Variants in ZNF282 observed in about 807,000 individuals in gnomAD.
ZNF282 encodes zinc finger protein 282.
Under a neutral mutation model 61.9 loss-of-function variants are expected in ZNF282, and 30 were observed. The ratio of observed to expected loss-of-function variants is 0.48; its 90% CI spans 0.36 to 0.66. ZNF282 has a LOEUF of 0.66. ZNF282 is among the 30% of genes least tolerant of loss of function. The pLI is 0.00. For synonymous variants in ZNF282, 396 were observed against 405.0 expected (o/e 0.98, Z 0.27); for missense variants, 788 against 941.4 (o/e 0.84, Z 2.13).
In ZNF282 at chr7:149,224,155, C is replaced by G. The variant is rs376301393; in HGVS notation, c.1524C>G (p.Leu508=). Residue 508 remains leucine (L), a synonymous_variant, in exon 8 of 8, where the codon CTC becomes CTG. Transcript: ENST00000610704. Reference sequence around the variant, plus strand: ...GCCCTGGCGGGCTGCGGCGGAGCCTCCTCCTGCACGGCGCCCGCAGCAAGC... The same window carrying G: ...GCCCTGGCGGGCTGCGGCGGAGCCTGCTCCTGCACGGCGCCCGCAGCAAGC... The part of the protein sequence containing the change: ...SCCPGGLRRS[L]LLHGARSKPY... 1.1e-5 allele frequency: 17 copies of G among 1,557,482 alleles called. No individual in the cohort carries two copies. The African/African-American group carries it at 2.3e-4, about 21-fold the overall frequency.
Position 149,212,363 on chromosome 7 carries a change from C to T in ZNF282, c.958C>T (p.Pro320Ser). The change falls in exon 6 of 8, where the codon CCA (proline) becomes TCA (serine). Residue 320 changes from proline (P) to serine (S), a missense_variant. This residue lies in a region of ZNF282 where 559 missense variants were observed against 642.0 expected (regional missense o/e 0.87). Coordinates refer to ENST00000610704, the MANE Select transcript of ZNF282 (RefSeq NM_003575.4). ...GCTCTTGTTCCCGCAAGTAGACTCCCCAATTTCTGCCCAGGACCTCTTGTC... is the reference window on the plus strand; with the variant it reads ...GCTCTTGTTCCCGCAAGTAGACTCCTCAATTTCTGCCCAGGACCTCTTGTC... ...AIPTESITDS[P>S]ISAQDLLSRI... 1 of 1,608,976 alleles carries T rather than the reference C, an allele frequency of 6.2e-7. No individual in the cohort carries two copies. Among genetic ancestry groups the T allele is most frequent in the Non-Finnish European group, 8.5e-7 (1 of 1,178,226 alleles).
chr7:149,224,704 C>A lies in ZNF282; in HGVS notation c.*57C>A. The A allele has an allele frequency of 6.9e-7, 1 of 1,442,902 alleles. No individual in the cohort carries two copies. Among genetic ancestry groups the A allele is most frequent in the South Asian group, 1.4e-5 (1 of 69,304 alleles). The allele number at this position is 1,442,902 out of a possible 1,614,324, so 89.4% of individuals were successfully genotyped here. A position where few individuals can be genotyped will look rare whatever the true frequency, so the allele number is the denominator to read the frequency against. The stretch of plus-strand genomic sequence containing the variant: ...AGTGGATCGGGGGCGGCCTGAGCAC[C>A]AACCACCTTGCCGGGTGTCCTCAGC... On this transcript the variant is annotated 3_prime_UTR_variant, in exon 8 of 8. Coordinates refer to ENST00000610704, the MANE Select transcript of ZNF282 (RefSeq NM_003575.4).
chr7:149,207,242 A>T, intron 3 of ZNF282, 109 bp from the exon 4 acceptor site: 2 of 1,397,330 alleles, frequency 1.4e-6, no homozygotes, highest in Non-Finnish European at 1.9e-6. Context: ...CCAAAGAGGG[A>T]CACCCAGGAG....
chr7:149,218,226 G>A (rs1423200827), intron 7 of ZNF282, among the ~76,000 whole-genome samples: 3 of 152,106 alleles, frequency 2.0e-5, no homozygotes, highest in African/African-American at 7.2e-5. Flanking sequence ...CCATGTCTGA[G>A]GCTCATGCAT....
chr7:149,202,187 C>T (rs1475369351), intron 2 of ZNF282, among the ~76,000 whole-genome samples: 1 of 149,704 alleles, frequency 6.7e-6, no homozygotes, highest in Non-Finnish European at 1.5e-5. Context: ...GAGTCTTGCC[C>T]AGGCTGGAGG....
At chr7:149,202,150 C>CTTT (rs35380773) in intron 2 of ZNF282, among the ~76,000 whole-genome samples, 35 of 126,548 alleles carry the variant, frequency 2.8e-4, no homozygotes, top group Non-Finnish European at 3.8e-4. Context: ...AGATATGCTT[C>CTTT]TTTTTTTTTT....
In ZNF282 at chr7:149,224,672, C is replaced by T. The variant is rs544414502; in HGVS notation, c.*25C>T. 4 of 1,473,394 alleles carry T rather than the reference C, an allele frequency of 2.7e-6. No individual in the cohort carries two copies. The highest frequency in any genetic ancestry group is 2.4e-5 in the Admixed American group (1 of 41,900). The allele number at this position is 1,473,394 out of a possible 1,614,324, so 91.3% of individuals were successfully genotyped here. On this transcript the variant is annotated 3_prime_UTR_variant, in exon 8 of 8. Transcript: ENST00000610704. ...GGGCTGGGCTGGGGGAGGGCAGGGC[C>T]GGACGGAGTGGATCGGGGGCGGCCT...
chr7:149,223,782 T>TCAGCATGTCACTTCTTC, intron 7 of ZNF282, 30 bp from the exon 8 acceptor site: 2 of 1,472,588 alleles, frequency 1.4e-6, no homozygotes, highest in African/African-American at 2.9e-5. Flanking sequence ...AGAACCCCTG[T>TCAGCATGTCACTTCTTC]CAGCATGTCA....
At chr7:149,212,231 T>A (rs550868721) in intron 5 of ZNF282, 127 bp from the exon 6 acceptor site, 24 of 627,706 alleles carry the variant, frequency 3.8e-5, no homozygotes, top group African/African-American at 3.4e-4. Context: ...TAATGAGACT[T>A]ATGTAATTGT....
At chr7:149,213,970 C>G (rs1352413505) in intron 7 of ZNF282, 156 bp downstream of exon 7, 9 of 595,234 alleles carry the variant, frequency 1.5e-5, no homozygotes, top group Non-Finnish European at 2.7e-5. Context: ...CACTCCCATT[C>G]TTTTTGGAGT....
intron 7 of ZNF282, among the ~76,000 whole-genome samples, chr7:149,222,378 A>C (rs1796269569): frequency 6.6e-6 from 1 of 152,280 alleles, no homozygotes; most frequent in African/African-American, 2.4e-5. Flanking sequence ...ATGACTGCCA[A>C]CCCATCTGAT....
In ZNF282 at chr7:149,198,428, A is replaced by G; in HGVS notation, c.261A>G (p.Arg87=). The change falls in exon 2 of 8, where the codon CGA becomes CGG. Residue 87 remains arginine, a synonymous_variant. Coordinates refer to ENST00000610704, the MANE Select transcript of ZNF282 (RefSeq NM_003575.4). This position sits in a 1 kb window ranked among gnomAD's most constrained non-coding sequence, Gnocchi z 4.3. ...RAPVFPDRMM[R]EPQLPTAEIS... ...CTGTCTTCCCCGACCGCATGATGCGAGAGCCCCAGTTGCCCACAGCAGAGA... is the reference window on the plus strand; with the variant it reads ...CTGTCTTCCCCGACCGCATGATGCGGGAGCCCCAGTTGCCCACAGCAGAGA... 6.2e-7 allele frequency: 1 copy of G among 1,614,150 alleles called. No individual in the cohort carries two copies. The highest frequency in any genetic ancestry group is 8.5e-7 in the Non-Finnish European group (1 of 1,180,012).
At chr7:149,214,551 T>C (rs1226833345) in intron 7 of ZNF282, among the ~76,000 whole-genome samples, 2 of 152,090 alleles carry the variant, frequency 1.3e-5, no homozygotes, top group African/African-American at 4.8e-5. Context: ...CTAGCCAGGC[T>C]GCACACGGTG....
At chr7:149,195,872 G>A in intron 1 of ZNF282, 118 bp downstream of exon 1, 1 of 962,090 alleles carries the variant, frequency 1.0e-6, no homozygotes, top group Non-Finnish European at 1.3e-6. Context: ...CAGCTTCCGC[G>A]CCCAGGCGAG....
intron 7 of ZNF282, 33 bp from the exon 8 acceptor site, chr7:149,223,779 C>T (rs1796299709): frequency 1.4e-6 from 2 of 1,471,956 alleles, no homozygotes; most frequent in Non-Finnish European, 1.8e-6. Context: ...CCGAGAACCC[C>T]TGTCAGCATG....
chr7:149,207,274 G>A, intron 3 of ZNF282, 77 bp from the exon 4 acceptor site: 1 of 1,520,814 alleles, frequency 6.6e-7, no homozygotes, highest in East Asian at 2.4e-5. Flanking sequence ...ATGGGGTAGG[G>A]GAGAGTTCTC....
rs532843448 is a variant in ZNF282 at position 149,207,300 on chromosome 7, A to G, written c.713-51A>G. 2.0e-3 allele frequency: 3,049 copies of G among 1,558,622 alleles called. 80 individuals are homozygous for G. In the South Asian group the frequency reaches 0.033, roughly 17 times the overall value. On this transcript the variant is annotated intron_variant, in intron 3 of 7. Transcript: ENST00000610704. ...GAGAGTTCTCCCTTCCCCTTGCTGG[A>G]TGCGTTGGTCAACTTCACTCAGCCT...
intron 2 of ZNF282, among the ~76,000 whole-genome samples, chr7:149,199,254 C>T (rs1226279486): frequency 6.6e-6 from 1 of 152,170 alleles, no homozygotes; most frequent in Non-Finnish European, 1.5e-5. Context: ...CTGCTTTCCT[C>T]CCGGATCCTC....
At chr7:149,220,837 C>T (rs757630627) in intron 7 of ZNF282, among the ~76,000 whole-genome samples, 10 of 151,448 alleles carry the variant, frequency 6.6e-5, no homozygotes, top group Non-Finnish European at 8.8e-5. Flanking sequence ...GGAAGGATGA[C>T]GTAATCATTC....
Sources: allele counts gnomAD v4.1 joint callset (sites outside exome capture counted in the v4.1 genomes callset), GRCh38; gene constraint gnomAD v4.1.1; regional missense constraint gnomAD v4.1.1; non-coding constraint Gnocchi (gnomAD v3.1); transcripts MANE v1.5; gene names NCBI Gene and HGNC (gene_info 2026-07-23, HGNC 2026-07-21).